Variants in TSLP observed in about 807,000 individuals in gnomAD.
The protein encoded by TSLP is thymic stroma-derived lymphopoietin.
In TSLP, 12 loss-of-function variants were observed where a neutral mutation model predicts 12.4. The observed-to-expected ratio is 0.97, with a 90% CI of 0.62 to 1.57. TSLP has a LOEUF of 1.57. Ranked by LOEUF, TSLP falls within the 40% of genes most tolerant of loss-of-function variation. The pLI is 0.00. For synonymous variants in TSLP, 97 were observed against 69.5 expected (o/e 1.40, Z -1.97); for missense variants, 222 against 189.6 (o/e 1.17, Z -1.00).
chr5:111,073,881 G>A (rs1752415840), intron 3 of TSLP, among the ~76,000 whole-genome samples: 1 of 152,116 alleles, frequency 6.6e-6, no homozygotes, highest in South Asian at 2.1e-4. Flanking sequence ...AAACCTTAGG[G>A]CAATGTTTCA....
chr5:111,071,895 T>C lies in TSLP; in HGVS notation c.5T>C (p.Phe2Ser), dbSNP rs1344868795. The C allele has an allele frequency of 6.2e-7, 1 of 1,613,896 alleles. No homozygotes were observed. Among genetic ancestry groups the C allele is most frequent in the Non-Finnish European group, 8.5e-7 (1 of 1,179,784 alleles). Residue 2 changes from phenylalanine to serine, a missense_variant, in exon 1 of 4, where the codon TTC (phenylalanine) becomes TCC (serine). Phe to Ser is a radical substitution (Grantham distance 155). Transcript: ENST00000344895. Reference protein sequence around the residue: MFPFALLYVLSV... With the variant: MSPFALLYVLSV... ...GGTGGAATTGGGTGTCCACGTATGT[T>C]CCCTTTTGCCTTACTATATGTTCTG...
intron 3 of TSLP, among the ~76,000 whole-genome samples, chr5:111,074,196 A>G (rs540379350): frequency 5.9e-4 from 90 of 152,264 alleles, no homozygotes; most frequent in African/African-American, 2.1e-3. Context: ...ATTTTTGCAC[A>G]TGTAGTTATC....
In TSLP at chr5:111,074,339, T is replaced by G. The variant is rs949096392; in HGVS notation, c.351+694T>G. Among the ~76,000 whole-genome samples the G allele has an allele frequency of 1.3e-4, 20 of 152,224 alleles. 1 individual carries two copies. The highest frequency in any genetic ancestry group is 4.6e-4 in the African/African-American group (19 of 41,442). Reference sequence around the variant, plus strand: ...TTCTGTGAAGACTTAGTTAAATTACTTAGCCTCCGTGTACTGTAGCTTCAT... The same window carrying G: ...TTCTGTGAAGACTTAGTTAAATTACGTAGCCTCCGTGTACTGTAGCTTCAT... On this transcript the variant is annotated intron_variant, in intron 3 of 3. Transcript: ENST00000344895.
chr5:111,075,527 A>G (rs1305479995), intron 3 of TSLP, among the ~76,000 whole-genome samples: 1 of 152,212 alleles, frequency 6.6e-6, no homozygotes, highest in Non-Finnish European at 1.5e-5. Context: ...AGGTCTTGAA[A>G]TCAGCAATTT....
At chr5:111,070,113 G>A (rs1164062292), upstream of TSLP, 1 of 152,160 alleles carries the variant, frequency 6.6e-6, no homozygotes, top group East Asian at 1.9e-4. Context: ...ATGCTGTGGT[G>A]ACTCGAGTAC....
At chr5:111,073,173 G>T in intron 2 of TSLP, 6 of 917,818 alleles carry the variant, frequency 6.5e-6, no homozygotes, top group Non-Finnish European at 9.4e-6. Flanking sequence ...GAACTGGGAC[G>T]AGGGAACGTT....
Position 111,076,349 on chromosome 5 carries a change from G to A in TSLP, c.*275G>A, listed in dbSNP as rs1235292963. 4.4e-5 allele frequency: 15 copies of A among 344,034 alleles called. No individual in the cohort carries two copies. Among genetic ancestry groups the A allele is most frequent in the South Asian group, 8.0e-5 (2 of 24,870 alleles). The allele number at this position is 344,034 out of a possible 1,614,324, so 21.3% of individuals were successfully genotyped here. ...GTAGTTGCATAAGCATTGCTCAAGA[G>A]GAAAATCCAAAAGTGCAGCAGGAGA... On this transcript the variant is annotated 3_prime_UTR_variant, in exon 4 of 4. Coordinates refer to ENST00000344895, the MANE Select transcript of TSLP (RefSeq NM_033035.5).
chr5:111,070,207 T>G (rs1752308673), upstream of TSLP: 1 of 152,532 alleles, frequency 6.6e-6, no homozygotes, highest in Admixed American at 6.5e-5. Context: ...GTGCCTTCTA[T>G]GAAGAAGAGT....
chr5:111,070,513 G>C (rs1752317399), upstream of TSLP: 1 of 152,774 alleles, frequency 6.5e-6, no homozygotes, highest in Admixed American at 6.5e-5. Flanking sequence ...AGCCAAGCCA[G>C]GGAGGAGCAG....
intron 1 of TSLP, among the ~76,000 whole-genome samples, chr5:111,072,539 A>G (rs1346154905): frequency 6.6e-6 from 1 of 152,190 alleles, no homozygotes; most frequent in East Asian, 1.9e-4. Flanking sequence ...TTTCCTGATT[A>G]ACCTAATTTC....
intron 3 of TSLP, 36 bp downstream of exon 3, chr5:111,073,681 G>A (rs889267340): frequency 6.3e-7 from 1 of 1,593,098 alleles, no homozygotes; most frequent in East Asian, 2.2e-5. Flanking sequence ...CTGTACCTTG[G>A]GGCTAACCTC....
At chr5:111,070,526 G>T (rs1424776396), upstream of TSLP, 2 of 152,716 alleles carry the variant, frequency 1.3e-5, no homozygotes, top group Non-Finnish European at 2.9e-5. Context: ...AGGAGCAGGG[G>T]GTTCATCTCA....
At chr5:111,075,016 C>G (rs896726689) in intron 3 of TSLP, among the ~76,000 whole-genome samples, 6 of 152,104 alleles carry the variant, frequency 3.9e-5, no homozygotes, top group African/African-American at 7.2e-5. Flanking sequence ...TATGGGAAAC[C>G]TATTTGGCTT....
chr5:111,071,370 T>TTACAG (rs1387753549), upstream of TSLP: 2 of 1,411,652 alleles, frequency 1.4e-6, no homozygotes, highest in Non-Finnish European at 1.9e-6. Flanking sequence ...CTCCAAATCC[T>TTACAG]TACAGTGGCT....
intron 3 of TSLP, among the ~76,000 whole-genome samples, chr5:111,074,352 ACTGTAG>A (rs1400750411): frequency 6.6e-6 from 1 of 152,196 alleles, no homozygotes; most frequent in Admixed American, 6.5e-5. Context: ...GCCTCCGTGT[ACTGTAG>A]CTTCATGGGT....
chr5:111,076,266 A>C lies in TSLP; in HGVS notation c.*192A>C. 2 of 600,038 alleles carry C rather than the reference A, an allele frequency of 3.3e-6. No individual in the cohort carries two copies. The highest frequency in any genetic ancestry group is 2.2e-5 in the South Asian group (1 of 45,026). The allele number at this position is 600,038 out of a possible 1,614,324, so 37.2% of individuals were successfully genotyped here. A position where few individuals can be genotyped will look rare whatever the true frequency, so the allele number is the denominator to read the frequency against. On this transcript the variant is annotated 3_prime_UTR_variant, in exon 4 of 4. Transcript: ENST00000344895. ...ATGCAGGGGAAGTACTACTCCTCAA[A>C]TGTTGAGGGAAGCTTCCATAACATT...
chr5:111,073,300 G>A (rs1277671477), intron 2 of TSLP: 3 of 1,422,038 alleles, frequency 2.1e-6, no homozygotes, highest in East Asian at 2.6e-5. Flanking sequence ...TTTTCGCGAC[G>A]AGTGCCCTCC....
upstream of TSLP, chr5:111,071,499 C>G: frequency 6.5e-7 from 1 of 1,545,620 alleles, no homozygotes; most frequent in Non-Finnish European, 8.7e-7. Flanking sequence ...GTGTTTAGGG[C>G]AAAGCAAAAA....
upstream of TSLP, chr5:111,071,459 C>T (rs566158190): frequency 3.1e-5 from 47 of 1,533,258 alleles, no homozygotes; most frequent in Non-Finnish European, 3.9e-5. Flanking sequence ...CACTGGTATC[C>T]GTTTCTTAAA....
Sources: gnomAD v4.1 joint callset for allele counts (sites outside exome capture counted in the v4.1 genomes callset) on GRCh38, gnomAD v4.1.1 for gene constraint, MANE v1.5 for transcripts, NCBI Gene and HGNC (gene_info 2026-07-23, HGNC 2026-07-21) for gene names.